PNPLA7: variants seen among roughly 807,000 people sequenced by gnomAD.
PNPLA7 encodes patatin-like phospholipase domain-containing protein 7.
A neutral mutation model predicts 161.7 loss-of-function variants in PNPLA7; 153 were observed. The ratio of observed to expected loss-of-function variants is 0.95; its 90% CI spans 0.83 to 1.08. PNPLA7 has a LOEUF of 1.08. PNPLA7 is among the 50% of genes least tolerant of loss of function. The probability of loss-of-function intolerance (pLI) is 0.00; values close to 1 mark genes in which losing one functional copy is unlikely to be tolerated. For missense variants in PNPLA7, 1,739 were observed against 1,856.6 expected (o/e 0.94, Z 1.16); for synonymous variants, 809 against 782.1 (o/e 1.03, Z -0.57).
intron 12 of PNPLA7, among the ~76,000 whole-genome samples, chr9:137,510,170 G>A (rs568534104): frequency 4.9e-4 from 75 of 152,252 alleles, no homozygotes; most frequent in Middle Eastern, 3.4e-3. Flanking sequence ...AACAACACCC[G>A]CTACTTAGCA....
At chr9:137,530,114 G>A (rs1294378357) in intron 8 of PNPLA7, among the ~76,000 whole-genome samples, 4 of 151,930 alleles carry the variant, frequency 2.6e-5, no homozygotes, top group African/African-American at 4.8e-5. Flanking sequence ...AGAGGTGCGC[G>A]CCACCACACC....
intron 9 of PNPLA7, among the ~76,000 whole-genome samples, chr9:137,522,291 G>C (rs150236459): frequency 6.7e-6 from 1 of 149,596 alleles, no homozygotes; most frequent in Admixed American, 6.6e-5. Flanking sequence ...AGCCAGGATG[G>C]TCTCGATCTC....
At chr9:137,493,114 C>G in intron 19 of PNPLA7, 32 bp from the exon 20 acceptor site, 1 of 1,609,150 alleles carries the variant, frequency 6.2e-7, no homozygotes, top group Non-Finnish European at 8.5e-7. Context: ...AAGAGCCACA[C>G]GTTTTAAACT....
intron 11 of PNPLA7, among the ~76,000 whole-genome samples, chr9:137,517,681 C>T (rs111216810): frequency 1.2e-5 from 1 of 82,718 alleles, no homozygotes; most frequent in Non-Finnish European, 2.3e-5. Flanking sequence ...CCATCCCTCA[C>T]TCACTCACTC....
At chr9:137,480,887 G>C in intron 22 of PNPLA7, 73 bp downstream of exon 22, 2 of 1,442,074 alleles carry the variant, frequency 1.4e-6, no homozygotes, top group East Asian at 5.0e-5. Flanking sequence ...GCTGGATGTG[G>C]ACACAGTGGG....
In PNPLA7 at chr9:137,482,385, C is replaced by T. The variant is rs1208942865; in HGVS notation, c.2348-1362G>A. 3.3e-5 allele frequency among the ~76,000 whole-genome samples: 5 copies of T among 152,306 alleles called. No homozygotes were observed. In the South Asian group the frequency reaches 8.3e-4, roughly 25 times the overall value. On this transcript the variant is annotated intron_variant, in intron 21 of 34. Coordinates refer to ENST00000406427, the MANE Select transcript of PNPLA7 (RefSeq NM_001098537.3). The stretch of plus-strand genomic sequence containing the variant: ...AACTGTGGTGCGTCCAGGCAGCGGA[C>T]GATGACTCAGCACCAAAAAGAACTG...
At chr9:137,538,143 C>T (rs1835993360) in intron 8 of PNPLA7, among the ~76,000 whole-genome samples, 1 of 152,198 alleles carries the variant, frequency 6.6e-6, no homozygotes, top group African/African-American at 2.4e-5. Flanking sequence ...GGGGCTCCCT[C>T]GAAGATGAGC....
chr9:137,460,170 A>G lies in PNPLA7; in HGVS notation c.*223T>C, dbSNP rs57228771. 5 of 475,362 alleles carry G rather than the reference A, an allele frequency of 1.1e-5. No individual in the cohort carries two copies. Among genetic ancestry groups the G allele is most frequent in the African/African-American group, 6.0e-5 (3 of 49,908 alleles). 29.4% of individuals were successfully genotyped at this position (475,362 alleles called of 1,614,324 possible). Reference sequence around the variant, plus strand: ...TCACAGAGCTTCAGGGGCCTCACAGAGCTTCAGGGGCCTCACAGGACTGCA... The same window carrying G: ...TCACAGAGCTTCAGGGGCCTCACAGGGCTTCAGGGGCCTCACAGGACTGCA... On this transcript the variant is annotated 3_prime_UTR_variant, in exon 35 of 35. Coordinates refer to ENST00000406427, the MANE Select transcript of PNPLA7 (RefSeq NM_001098537.3).
Position 137,520,096 on chromosome 9 carries a change from TGACAG to T in PNPLA7, c.958-58_958-54del. 1 of 1,601,832 alleles carries T rather than the reference TGACAG, an allele frequency of 6.2e-7. No individual in the cohort carries two copies. Among genetic ancestry groups the T allele is most frequent in the Non-Finnish European group, 8.5e-7 (1 of 1,175,646 alleles). ...CACCCCAGGAACACCCCACACCCAC[TGACAG>T]GTGTGGGCTCCTCAAAGGTGTGACA... On this transcript the variant is annotated intron_variant, in intron 10 of 34. Transcript: ENST00000406427. The surrounding 1 kb of genome is among the most constrained non-coding windows in gnomAD (Gnocchi z 5.2).
At chr9:137,501,121 G>C (rs62590181) in intron 15 of PNPLA7, among the ~76,000 whole-genome samples, 2,090 of 152,282 alleles carry the variant, frequency 0.014, 23 homozygotes, top group Admixed American at 0.023. Flanking sequence ...TCCGTGCAGC[G>C]AGCCGGGCCT....
chr9:137,501,984 C>G (rs2132295301), intron 14 of PNPLA7, among the ~76,000 whole-genome samples: 1 of 152,366 alleles, frequency 6.6e-6, no homozygotes, highest in Non-Finnish European at 1.5e-5. Context: ...GAAACAGACA[C>G]TCGTATTTTT....
At chr9:137,466,055 A>G (rs1831446579) in intron 26 of PNPLA7, among the ~76,000 whole-genome samples, 1 of 152,048 alleles carries the variant, frequency 6.6e-6, no homozygotes, top group Non-Finnish European at 1.5e-5. Flanking sequence ...CTGATCTCAC[A>G]TCCCCACGCC....
intron 11 of PNPLA7, among the ~76,000 whole-genome samples, chr9:137,519,020 C>A (rs1373030409): frequency 2.1e-5 from 3 of 144,434 alleles, no homozygotes; most frequent in East Asian, 2.1e-4. Context: ...ACTCCATCCC[C>A]CACTCACTCC....
At chr9:137,498,436 C>T (rs563780633) in intron 16 of PNPLA7, among the ~76,000 whole-genome samples, 191 bp from the exon 17 acceptor site, 14 of 152,392 alleles carry the variant, frequency 9.2e-5, no homozygotes, top group Admixed American at 3.3e-4. Context: ...CTGCCCACCA[C>T]GTGCCCAGTG....
chr9:137,544,851 T>C (rs771059085), intron 4 of PNPLA7, among the ~76,000 whole-genome samples: 25 of 152,140 alleles, frequency 1.6e-4, no homozygotes, highest in Non-Finnish European at 2.8e-4. Flanking sequence ...GGTTTCGCCA[T>C]GTTGGCCAGG....
At chr9:137,521,442 G>A (rs901850088) in intron 10 of PNPLA7, among the ~76,000 whole-genome samples, 194 bp downstream of exon 10, 2 of 152,228 alleles carry the variant, frequency 1.3e-5, no homozygotes, top group Admixed American at 1.3e-4. Flanking sequence ...CTGACTAGCA[G>A]GTGCTTTAAG....
chr9:137,498,321 A>G (rs1257606092), intron 16 of PNPLA7, 76 bp from the exon 17 acceptor site: 13 of 1,574,718 alleles, frequency 8.3e-6, no homozygotes, highest in African/African-American at 8.0e-5. Context: ...GTGCTCGGGA[A>G]TGGATGGGAC....
At position 137,498,250 on chromosome 9, in the gene PNPLA7, C is replaced by T. The variant is rs763648337; in HGVS notation, c.1758-5G>A. ...GTCGGCTGCTTCCGCATGATTCTGC[C>T]GGGCAGCCCAGAGTCAATCCTGCCC... On this transcript the variant is annotated splice_region_variant and splice_polypyrimidine_tract_variant and intron_variant, in intron 16 of 34. Transcript: ENST00000406427. 5.5e-5 allele frequency: 88 copies of T among 1,609,596 alleles called. No individual in the cohort carries two copies. The highest frequency in any genetic ancestry group is 6.9e-5 in the Non-Finnish European group (82 of 1,179,902).
In PNPLA7 at chr9:137,476,952, T is replaced by TGCCCTGGGGCCAGCAGAAGCATCCTCGAG. The variant is rs1224052647; in HGVS notation, c.2882+1053_2882+1081dup. ...GAACAGCCCCAGGCTGACAGGGCCC[T>TGCCCTGGGGCCAGCAGAAGCATCCTCGAG]GCCCTGGGGCCAGCAGAAGCATCCT... is the stretch of plus-strand genomic sequence containing the variant. On this transcript the variant is annotated intron_variant, in intron 25 of 34. Coordinates refer to ENST00000406427, the MANE Select transcript of PNPLA7 (RefSeq NM_001098537.3). The surrounding 1 kb of genome is among the most constrained non-coding windows in gnomAD (Gnocchi z 4.5). Among the ~76,000 whole-genome samples the TGCCCTGGGGCCAGCAGAAGCATCCTCGAG allele has an allele frequency of 5.3e-5, 8 of 152,228 alleles. No homozygotes were observed. The highest frequency in any genetic ancestry group is 1.7e-4 in the African/African-American group (7 of 41,476).
Sources: allele counts gnomAD v4.1 joint callset (sites outside exome capture counted in the v4.1 genomes callset), GRCh38; gene constraint gnomAD v4.1.1; non-coding constraint Gnocchi (gnomAD v3.1); transcripts MANE v1.5; gene names NCBI Gene and HGNC (gene_info 2026-07-23, HGNC 2026-07-21).